The following CANX variants were observed in gnomAD, a reference collection of about 807,000 sequenced individuals.
The protein encoded by CANX is calnexin, also known as epididymis secretory sperm binding protein.
CANX carries 14 observed loss-of-function variants against 75.7 expected under a neutral mutation model. The observed-to-expected ratio is 0.19, with a 90% CI of 0.12 to 0.29. The LOEUF is 0.29. CANX is among the 10% of genes least tolerant of loss of function. The pLI is 1.00. For synonymous variants in CANX, 227 were observed against 236.9 expected, an observed-to-expected ratio of 0.96 and a Z score of 0.38; for missense variants, 567 against 713.2, an observed-to-expected ratio of 0.79 and a Z score of 2.34.
intron 7 of CANX, among the ~76,000 whole-genome samples, chr5:179,711,034 G>A (rs966192256): frequency 2.0e-5 from 3 of 152,092 alleles, no homozygotes; most frequent in Non-Finnish European, 4.4e-5. Context: ...TCCAGCCTGG[G>A]TGGCAGAGGA....
At chr5:179,700,252 G>A (rs1776648621) in intron 1 of CANX, 1 of 152,126 alleles carries the variant, frequency 6.6e-6, no homozygotes, top group South Asian at 2.1e-4. Flanking sequence ...AGATTGAGAG[G>A]ACAAGATTAA....
In CANX at chr5:179,708,339, G is replaced by A; in HGVS notation, c.405G>A (p.Leu135=). The part of the protein sequence containing the change: ...RAKHHAISAK[L]NKPFLFDTKP... Reference sequence around the variant, plus strand: ...AGCATCATGCCATCTCTGCTAAACTGAACAAGCCCTTCCTGTTTGACACCA... The same window carrying A: ...AGCATCATGCCATCTCTGCTAAACTAAACAAGCCCTTCCTGTTTGACACCA... The change falls in exon 5 of 15, where the codon CTG becomes CTA. Residue 135 remains leucine (L), a synonymous_variant. Coordinates refer to ENST00000247461, the MANE Select transcript of CANX (RefSeq NM_001746.4). The A allele has an allele frequency of 6.2e-7, 1 of 1,613,850 alleles. No homozygotes were observed. Among genetic ancestry groups the A allele is most frequent in the Non-Finnish European group, 8.5e-7 (1 of 1,179,854 alleles).
chr5:179,724,816 G>C (rs752672262), intron 13 of CANX, 33 bp downstream of exon 13: 1 of 1,581,658 alleles, frequency 6.3e-7, no homozygotes, highest in Admixed American at 1.8e-5. Context: ...TCTGCTTTAA[G>C]CCAAGACCCT....
chr5:179,698,004 T>G (rs1776463289), upstream of CANX, among the ~76,000 whole-genome samples: 1 of 152,152 alleles, frequency 6.6e-6, no homozygotes, highest in Non-Finnish European at 1.5e-5. Flanking sequence ...TTCAGATCAG[T>G]GATACATTCG....
chr5:179,714,155 T>C (rs565714104), intron 7 of CANX, among the ~76,000 whole-genome samples: 2 of 151,968 alleles, frequency 1.3e-5, no homozygotes, highest in East Asian at 3.9e-4. Context: ...TGCGCCACCA[T>C]GCCCGGCCAA....
chr5:179,704,222 T>C (rs1341613414), intron 1 of CANX: 1 of 152,124 alleles, frequency 6.6e-6, no homozygotes, highest in African/African-American at 2.4e-5. Context: ...ACAGGGCGCT[T>C]ACGTGGTTAG....
chr5:179,725,617 C>T (rs545627697), intron 13 of CANX, among the ~76,000 whole-genome samples: 1 of 144,232 alleles, frequency 6.9e-6, no homozygotes, highest in Non-Finnish European at 1.5e-5. Flanking sequence ...GAAGGCAGAG[C>T]TTACAGTGAG....
At chr5:179,692,930 A>C (rs1181533697) in intron 1 of CANX, among the ~76,000 whole-genome samples, 1 of 151,624 alleles carries the variant, frequency 6.6e-6, no homozygotes, top group Non-Finnish European at 1.5e-5. Context: ...GTGGATCACG[A>C]GGTCAGGAGT....
At chr5:179,720,686 G>T in intron 10 of CANX, 126 bp downstream of exon 10, 1 of 798,516 alleles carries the variant, frequency 1.3e-6, no homozygotes, top group African/African-American at 1.7e-5. Context: ...GCAGAAAGTA[G>T]ACTTCCTAAG....
intron 7 of CANX, among the ~76,000 whole-genome samples, chr5:179,711,741 T>C (rs1777569952): frequency 7.1e-6 from 1 of 141,776 alleles, no homozygotes; most frequent in Non-Finnish European, 1.5e-5. Context: ...GTGAGCCAGA[T>C]TGTGACACTG....
At chr5:179,715,850 C>G (rs1028453047) in intron 7 of CANX, 1 of 482,728 alleles carries the variant, frequency 2.1e-6, no homozygotes, top group Non-Finnish European at 3.8e-6. Flanking sequence ...GTCTATAAGT[C>G]AAGTCTTTGG....
upstream of CANX, chr5:179,698,361 C>T: frequency 8.5e-7 from 1 of 1,175,478 alleles, no homozygotes; most frequent in South Asian, 1.5e-5. Context: ...GCGCAGGCTC[C>T]TGGGCCGAGC....
At position 179,723,700 on chromosome 5, in the gene CANX, G is replaced by T; in HGVS notation, c.1439G>T (p.Arg480Leu). The change falls in exon 12 of 15, where the codon CGC becomes CTC. Residue 480 changes from arginine (R) to leucine (L), a missense_variant. By Grantham distance (102) the Arg-to-Leu change is moderately radical. Transcript: ENST00000247461. ...VGQMIEAAEE[R>L]PWLWVVYILT... ...CAGATGATCGAGGCAGCTGAAGAGC[G>T]CCCGTGGCTGTGGGTAGTCTATATT... The T allele has an allele frequency of 1.2e-6, 2 of 1,613,818 alleles. No homozygotes were observed. The highest frequency in any genetic ancestry group is 1.7e-6 in the Non-Finnish European group (2 of 1,179,834).
chr5:179,712,289 C>T (rs756000295), intron 7 of CANX, among the ~76,000 whole-genome samples: 42 of 151,920 alleles, frequency 2.8e-4, no homozygotes, highest in Admixed American at 1.8e-3. Context: ...TTGGATGCTC[C>T]AATACCTGGA....
chr5:179,678,722 A>T, exon 1 of CANX: 1 of 1,537,000 alleles, frequency 6.5e-7, no homozygotes, highest in East Asian at 2.4e-5. Flanking sequence ...CAGCAAGTGC[A>T]TGCGCGCCAT....
rs1182433188 is a variant in CANX, at chr5:179,731,477, A to C, written c.*2833A>C. The stretch of plus-strand genomic sequence containing the variant: ...CTGGTGTAAAATTTGTTTGAATGCT[A>C]AAAAAAAAAAAGCAGGACTGCATTA... On this transcript the variant is annotated 3_prime_UTR_variant, in exon 15 of 15. Coordinates refer to ENST00000247461, the MANE Select transcript of CANX (RefSeq NM_001746.4). 7.7e-6 allele frequency among the ~76,000 whole-genome samples: 1 copy of C among 130,284 alleles called. No homozygotes were observed. Among genetic ancestry groups the C allele is most frequent in the South Asian group, 2.3e-4 (1 of 4,336 alleles). 85.5% of individuals were successfully genotyped at this position (130,284 alleles called of 152,430 possible). A position where few individuals can be genotyped will look rare whatever the true frequency, so the allele number is the denominator to read the frequency against.
intron 13 of CANX, 60 bp from the exon 14 acceptor site, chr5:179,726,620 G>T: frequency 8.3e-6 from 9 of 1,084,394 alleles, no homozygotes; most frequent in African/African-American, 1.6e-5. Context: ...GTGTTCTAAT[G>T]CTAATATATA....
Position 179,706,376 on chromosome 5 carries a change from A to G in CANX, c.245+45A>G, listed in dbSNP as rs562793695. ...ATATATGTTAGAGGCAGACATGTAA[A>G]TAAGATGGGATAGTAGATTCCTTTT... On this transcript the variant is annotated intron_variant, in intron 3 of 14. Coordinates refer to ENST00000247461, the MANE Select transcript of CANX (RefSeq NM_001746.4). The G allele has an allele frequency of 1.7e-4, 153 of 919,024 alleles. 1 individual carries two copies. In the South Asian group the frequency reaches 2.0e-3, roughly 12 times the overall value. The allele number at this position is 919,024 out of a possible 1,614,324, so 56.9% of individuals were successfully genotyped here.
At chr5:179,717,977 A>G (rs922337694) in intron 8 of CANX, among the ~76,000 whole-genome samples, 1 of 151,870 alleles carries the variant, frequency 6.6e-6, no homozygotes, top group African/African-American at 2.4e-5. Flanking sequence ...CAGCCTCCCA[A>G]AGTGCTGGGA....
Sources: gnomAD v4.1 joint callset for allele counts (sites outside exome capture counted in the v4.1 genomes callset) on GRCh38, gnomAD v4.1.1 for gene constraint, MANE v1.5 for transcripts, NCBI Gene and HGNC (gene_info 2026-07-23, HGNC 2026-07-21) for gene names.